Variants in TMEM25 observed in about 807,000 individuals in gnomAD.
The protein encoded by TMEM25 is transmembrane protein 25.
In TMEM25, 36 loss-of-function variants were observed where a neutral mutation model predicts 37.0. That is an observed-to-expected ratio of 0.97 (90% CI 0.75 to 1.28). The LOEUF is 1.28. Ranked by LOEUF, TMEM25 falls within the 50% of genes most tolerant of loss-of-function variation. TMEM25 has a pLI of 0.00. For synonymous variants in TMEM25, 197 were observed against 203.7 expected (o/e 0.97, Z 0.28); for missense variants, 444 against 477.9 (o/e 0.93, Z 0.66).
chr11:118,534,906 T>TGTGGC lies in TMEM25; in HGVS notation c.*327_*331dup. 1 of 1,219,394 alleles carries TGTGGC rather than the reference T, an allele frequency of 8.2e-7. No individual in the cohort carries two copies. Among genetic ancestry groups the TGTGGC allele is most frequent in the South Asian group, 1.9e-5 (1 of 52,384 alleles). The allele number at this position is 1,219,394 out of a possible 1,614,324, so 75.5% of individuals were successfully genotyped here. Reference sequence around the variant, plus strand: ...GTTCAGATGTCATCCAGCATCCAAGTGTGGCATGGCCTGCTGTATACCCCA... The same window carrying TGTGGC: ...GTTCAGATGTCATCCAGCATCCAAGTGTGGCGTGGCATGGCCTGCTGTATACCCCA... On this transcript the variant is annotated 3_prime_UTR_variant, in exon 9 of 9. Coordinates refer to ENST00000313236, the MANE Select transcript of TMEM25 (RefSeq NM_032780.4). This position sits in a 1 kb window ranked among gnomAD's most constrained non-coding sequence, Gnocchi z 4.6.
intron 1 of TMEM25, 60 bp downstream of exon 1, chr11:118,531,294 C>G (rs946382366): frequency 2.9e-6 from 1 of 346,498 alleles, no homozygotes; most frequent in Non-Finnish European, 5.4e-6. Context: ...ACCCTCCGAC[C>G]CTCTCCTCTT....
intron 8 of TMEM25, chr11:118,545,353 T>C (rs1248157381): frequency 4.7e-6 from 6 of 1,275,486 alleles, no homozygotes; most frequent in Non-Finnish European, 6.8e-6. Context: ...CTCAGAACAG[T>C]AGAAACTATA....
downstream of TMEM25, chr11:118,546,809 T>TATTA (rs1951698580): frequency 6.6e-6 from 1 of 152,236 alleles, no homozygotes; most frequent in Non-Finnish European, 1.5e-5. Context: ...GGTGTTATAA[T>TATTA]GCCTAATGAT....
chr11:118,531,828 C>A lies in TMEM25; in HGVS notation c.27C>A (p.Ala9=). The stretch of plus-strand genomic sequence containing the variant: ...TGGCGCTGCCTCCAGGCCCAGCCGC[C>A]CTCCGGCACACACTGCTGCTCCTGC... The part of the protein sequence containing the change: MALPPGPA[A]LRHTLLLLPA... The change falls in exon 2 of 9, where the codon GCC becomes GCA. Residue 9 remains alanine, a synonymous_variant. Coordinates refer to ENST00000313236, the MANE Select transcript of TMEM25 (RefSeq NM_032780.4). 1 of 1,551,390 alleles carries A rather than the reference C, an allele frequency of 6.4e-7. No individual in the cohort carries two copies. The highest frequency in any genetic ancestry group is 1.2e-5 in the South Asian group (1 of 84,062).
Position 118,533,284 on chromosome 11 carries a change from A to G in TMEM25, c.673+77A>G, listed in dbSNP as rs1951382498. On this transcript the variant is annotated intron_variant, in intron 4 of 8. Transcript: ENST00000313236. ...CCCGTCCCCATACAGAAATGGGAATACTTGTTGCCCTGTGGTTGGGTCTTG... is the reference window on the plus strand; with the variant it reads ...CCCGTCCCCATACAGAAATGGGAATGCTTGTTGCCCTGTGGTTGGGTCTTG... The G allele has an allele frequency of 1.9e-6, 3 of 1,558,986 alleles. No individual in the cohort carries two copies. The African/African-American group carries it at 4.1e-5, about 21-fold the overall frequency.
intron 8 of TMEM25, chr11:118,545,460 G>A: frequency 6.2e-7 from 1 of 1,613,740 alleles, no homozygotes; most frequent in South Asian, 1.1e-5. Flanking sequence ...GGAGGGACTG[G>A]ATCCGACTCT....
At chr11:118,545,936 C>T in intron 8 of TMEM25, 1 of 1,217,994 alleles carries the variant, frequency 8.2e-7, no homozygotes, top group East Asian at 2.3e-5. Flanking sequence ...AGCAAAAGAG[C>T]TTCTAGCATA....
intron 8 of TMEM25, among the ~76,000 whole-genome samples, chr11:118,541,851 G>A (rs1237312916): frequency 2.0e-5 from 3 of 152,116 alleles, no homozygotes; most frequent in African/African-American, 4.8e-5. Flanking sequence ...TCGACCTCCC[G>A]GGCTTAATCG....
chr11:118,535,863 ATGTTTT>A (rs1951500502), downstream of TMEM25: 6 of 1,133,806 alleles, frequency 5.3e-6, no homozygotes, highest in African/African-American at 1.6e-5. Context: ...TTCTATTAAT[ATGTTTT>A]TGTTTTTGTT....
intron 4 of TMEM25, 100 bp from the exon 5 acceptor site, chr11:118,533,320 G>C: frequency 6.3e-7 from 1 of 1,578,714 alleles, no homozygotes; most frequent in Non-Finnish European, 8.6e-7. Flanking sequence ...TGGATGAACT[G>C]TCCCCAGCCA....
At chr11:118,532,855 A>G in intron 3 of TMEM25, 62 bp from the exon 4 acceptor site, 1 of 1,550,034 alleles carries the variant, frequency 6.5e-7, no homozygotes, top group Non-Finnish European at 8.7e-7. Flanking sequence ...TGGGTTTGGG[A>G]AGAAAGGGCT....
chr11:118,538,564 T>C (rs1951539583), downstream of TMEM25, among the ~76,000 whole-genome samples: 1 of 151,890 alleles, frequency 6.6e-6, no homozygotes, highest in Non-Finnish European at 1.5e-5. Context: ...TTGAGCATTT[T>C]CTCATATACC....
At position 118,535,210 on chromosome 11, in the gene TMEM25, A is replaced by G. The variant is rs1357922343; in HGVS notation, c.*630A>G. 5 of 1,096,670 alleles carry G rather than the reference A, an allele frequency of 4.6e-6. No individual in the cohort carries two copies. Among genetic ancestry groups the G allele is most frequent in the Non-Finnish European group, 5.5e-6 (5 of 901,682 alleles). The allele number at this position is 1,096,670 out of a possible 1,614,324, so 67.9% of individuals were successfully genotyped here. A position where few individuals can be genotyped will look rare whatever the true frequency, so the allele number is the denominator to read the frequency against. On this transcript the variant is annotated 3_prime_UTR_variant, in exon 9 of 9. Transcript: ENST00000313236. ...GTCCCCACCTCCTCTTGGGAATTCT[A>G]GGTTACACGTTGGACCTTCTCTACT...
chr11:118,545,836 T>G, intron 8 of TMEM25: 1 of 1,614,084 alleles, frequency 6.2e-7, no homozygotes. Context: ...AATCAATCTC[T>G]GCCGTGGGCA....
At chr11:118,540,275 T>G (rs549331535), downstream of TMEM25, among the ~76,000 whole-genome samples, 636 of 151,970 alleles carry the variant, frequency 4.2e-3, 3 homozygotes, top group African/African-American at 0.015. Flanking sequence ...TCCATGGCTG[T>G]GGGGGCTTCT....
At chr11:118,545,465 G>C (rs782137705) in intron 8 of TMEM25, 1 of 1,613,556 alleles carries the variant, frequency 6.2e-7, no homozygotes, top group South Asian at 1.1e-5. Flanking sequence ...GACTGGATCC[G>C]ACTCTTGTAG....
chr11:118,545,052 T>G (rs1430722147), intron 8 of TMEM25: 12 of 1,276,582 alleles, frequency 9.4e-6, no homozygotes, highest in African/African-American at 2.9e-5. Flanking sequence ...ATTAGGGATA[T>G]GCTAATTGCT....
downstream of TMEM25, among the ~76,000 whole-genome samples, chr11:118,536,154 A>G (rs1203533128): frequency 2.6e-5 from 4 of 151,368 alleles, no homozygotes; most frequent in African/African-American, 9.7e-5. Context: ...CTGGGAGTAC[A>G]GGTGTGAGCC....
At chr11:118,542,327 TATAAGTGG>T (rs1314850742) in intron 8 of TMEM25, among the ~76,000 whole-genome samples, 1 of 152,198 alleles carries the variant, frequency 6.6e-6, no homozygotes. Flanking sequence ...CCCATTAATC[TATAAGTGG>T]ATTAATCCAC....
Sources: allele counts gnomAD v4.1 joint callset (sites outside exome capture counted in the v4.1 genomes callset), GRCh38; gene constraint gnomAD v4.1.1; non-coding constraint Gnocchi (gnomAD v3.1); transcripts MANE v1.5; gene names NCBI Gene and HGNC (gene_info 2026-07-23, HGNC 2026-07-21).